PDGFRL: variants seen among roughly 807,000 people sequenced by gnomAD.
PDGFRL encodes the protein platelet-derived growth factor receptor-like protein.
A neutral mutation model predicts 37.2 loss-of-function variants in PDGFRL; 46 were observed. The ratio of observed to expected loss-of-function variants is 1.24; its 90% CI spans 0.98 to 1.58. The LOEUF is 1.58. Ranked by LOEUF, PDGFRL falls within the 40% of genes most tolerant of loss-of-function variation. The pLI, the probability that PDGFRL is intolerant of heterozygous loss-of-function variation, is 0.00. For synonymous variants in PDGFRL, 251 were observed against 184.3 expected (o/e 1.36, Z -2.93); for missense variants, 692 against 467.6 (o/e 1.48, Z -4.43).
At chr8:17,599,598 C>A (rs1328308593) in intron 2 of PDGFRL, among the ~76,000 whole-genome samples, 1 of 152,224 alleles carries the variant, frequency 6.6e-6, no homozygotes, top group Non-Finnish European at 1.5e-5. Flanking sequence ...CTGGAAGGAG[C>A]CGTACAGCTC....
intron 2 of PDGFRL, among the ~76,000 whole-genome samples, chr8:17,591,803 A>G (rs958733163): frequency 6.6e-6 from 1 of 152,092 alleles, no homozygotes; most frequent in Non-Finnish European, 1.5e-5. Context: ...AGTCCCAGCT[A>G]CTCGGAAGGC....
chr8:17,600,823 C>A (rs77915664), intron 2 of PDGFRL, among the ~76,000 whole-genome samples: 13 of 114,270 alleles, frequency 1.1e-4, no homozygotes, highest in East Asian at 8.1e-4. Context: ...AACAAAAAAA[C>A]CTCTAAAAAT....
intron 5 of PDGFRL, among the ~76,000 whole-genome samples, chr8:17,635,310 C>T (rs1804950234): frequency 6.6e-6 from 1 of 151,544 alleles, no homozygotes; most frequent in South Asian, 2.1e-4. Context: ...TCCCCTGAAT[C>T]CCCAAAGTTC....
chr8:17,630,120 A>ATC (rs1299955615), intron 4 of PDGFRL, among the ~76,000 whole-genome samples: 19 of 151,968 alleles, frequency 1.3e-4, no homozygotes, highest in Non-Finnish European at 2.8e-4. Flanking sequence ...TGAATCCCCC[A>ATC]TCTCTCGTCT....
chr8:17,577,206 C>A, upstream of PDGFRL: 1 of 1,592,382 alleles, frequency 6.3e-7, no homozygotes, highest in South Asian at 1.1e-5. Flanking sequence ...CGTCCCCGCC[C>A]CGCGCAGCCG....
intron 1 of PDGFRL, among the ~76,000 whole-genome samples, chr8:17,583,521 A>T (rs1175834352): frequency 1.3e-5 from 2 of 152,164 alleles, no homozygotes; most frequent in African/African-American, 4.8e-5. Context: ...TTGGGAAAGG[A>T]TGCTTGTAAT....
At chr8:17,618,144 G>A (rs776543302) in intron 2 of PDGFRL, among the ~76,000 whole-genome samples, 13 of 151,874 alleles carry the variant, frequency 8.6e-5, no homozygotes, top group Non-Finnish European at 1.8e-4. Flanking sequence ...TTGCAGCCTC[G>A]ACCTCCTGGA....
At chr8:17,609,152 T>C (rs989906549) in intron 2 of PDGFRL, among the ~76,000 whole-genome samples, 3 of 152,104 alleles carry the variant, frequency 2.0e-5, no homozygotes, top group Non-Finnish European at 2.9e-5. Context: ...CAGTGAGCCA[T>C]GGTCACACTG....
At chr8:17,630,915 G>T (rs1563528723) in intron 4 of PDGFRL, among the ~76,000 whole-genome samples, 1 of 151,990 alleles carries the variant, frequency 6.6e-6, no homozygotes, top group Non-Finnish European at 1.5e-5. Context: ...GAACTTCTTT[G>T]CTCTGAGCTG....
chr8:17,581,083 G>A (rs1178911866), intron 1 of PDGFRL, among the ~76,000 whole-genome samples: 2 of 152,086 alleles, frequency 1.3e-5, no homozygotes, highest in Non-Finnish European at 2.9e-5. Context: ...TACATTCACA[G>A]ATACCTGGGA....
intron 4 of PDGFRL, among the ~76,000 whole-genome samples, chr8:17,631,410 G>A (rs1039995527): frequency 5.3e-5 from 8 of 152,110 alleles, no homozygotes; most frequent in African/African-American, 1.7e-4. Flanking sequence ...GCTGCTCTCT[G>A]AAGTTAGAAT....
chr8:17,586,169 G>C (rs1340553554), intron 1 of PDGFRL, among the ~76,000 whole-genome samples: 3 of 152,152 alleles, frequency 2.0e-5, no homozygotes, highest in Admixed American at 2.0e-4. Context: ...GGCCAGGCTG[G>C]TCTTGAACTC....
intron 2 of PDGFRL, among the ~76,000 whole-genome samples, chr8:17,608,108 C>T (rs1157065960): frequency 1.3e-5 from 2 of 152,196 alleles, no homozygotes; most frequent in Non-Finnish European, 2.9e-5. Context: ...GGGCCTGTCT[C>T]CTGCCTCGCT....
intron 3 of PDGFRL, among the ~76,000 whole-genome samples, chr8:17,627,139 C>T (rs1585329369): frequency 6.6e-6 from 1 of 152,314 alleles, no homozygotes; most frequent in East Asian, 1.9e-4. Context: ...CTGGCAGTTA[C>T]TGACTGTGGC....
intron 1 of PDGFRL, among the ~76,000 whole-genome samples, chr8:17,583,564 G>A (rs886606939): frequency 1.3e-5 from 2 of 152,130 alleles, no homozygotes; most frequent in African/African-American, 2.4e-5. Flanking sequence ...GTTTTGGGGG[G>A]CCAGAGGTGC....
At chr8:17,634,359 G>C (rs1277811544) in intron 5 of PDGFRL, 146 bp downstream of exon 5, 1 of 596,310 alleles carries the variant, frequency 1.7e-6, no homozygotes, top group Non-Finnish European at 2.9e-6. Flanking sequence ...TTGGGGGCCA[G>C]GTATTGTTTG....
intron 2 of PDGFRL, among the ~76,000 whole-genome samples, chr8:17,612,615 C>T (rs1455044201): frequency 2.0e-5 from 3 of 152,192 alleles, no homozygotes. Flanking sequence ...AGGTGATCCA[C>T]CTACCTCGGC....
intron 2 of PDGFRL, among the ~76,000 whole-genome samples, chr8:17,593,228 A>T (rs1362488373): frequency 2.6e-5 from 4 of 152,002 alleles, no homozygotes; most frequent in Non-Finnish European, 4.4e-5. Context: ...GCTTGGAAGA[A>T]ATCTGGAAAG....
intron 5 of PDGFRL, among the ~76,000 whole-genome samples, chr8:17,636,844 T>A (rs1804980123): frequency 6.6e-6 from 1 of 152,302 alleles, no homozygotes; most frequent in South Asian, 2.1e-4. Context: ...CTTGATTAGG[T>A]ATATTTCTGA....
Sources: allele counts gnomAD v4.1 joint callset (sites outside exome capture counted in the v4.1 genomes callset), GRCh38; gene constraint gnomAD v4.1.1; transcripts MANE v1.5; gene names NCBI Gene and HGNC (gene_info 2026-07-23, HGNC 2026-07-21).